RIMS1: variants seen among roughly 807,000 people sequenced by gnomAD.
The protein encoded by RIMS1 is regulating synaptic membrane exocytosis 1.
In RIMS1, 83 loss-of-function variants were observed where a neutral mutation model predicts 214.1. The observed-to-expected ratio is 0.39, with a 90% CI of 0.32 to 0.47. The LOEUF is 0.47. Among genes scored for constraint, RIMS1 ranks in the 20% least tolerant of loss-of-function variants. The probability of loss-of-function intolerance (pLI) is 0.99; values close to 1 mark genes in which losing one functional copy is unlikely to be tolerated. For missense variants in RIMS1, 2,050 were observed against 2,161.8 expected (o/e 0.95, Z 1.03); for synonymous variants, 793 against 786.8 (o/e 1.01, Z -0.13).
intron 4 of RIMS1, among the ~76,000 whole-genome samples, chr6:72,105,044 C>T (rs962198618): frequency 5.9e-5 from 9 of 152,142 alleles, no homozygotes; most frequent in Non-Finnish European, 8.8e-5. Context: ...CATCTTTCCA[C>T]CTCAGTCTCC....
intron 1 of RIMS1, among the ~76,000 whole-genome samples, chr6:71,890,523 C>G (rs746896409): frequency 3.4e-5 from 4 of 118,636 alleles, no homozygotes; most frequent in African/African-American, 7.2e-5. Context: ...TATCTGGGAC[C>G]TAAATCAGAG....
chr6:72,347,146 T>C (rs1001356994), intron 29 of RIMS1, among the ~76,000 whole-genome samples: 15 of 151,832 alleles, frequency 9.9e-5, no homozygotes, highest in Non-Finnish European at 1.8e-4. Context: ...CGAAGACTTA[T>C]GCCCCCATAG....
intron 4 of RIMS1, among the ~76,000 whole-genome samples, chr6:72,136,635 T>G (rs1021359630): frequency 6.6e-6 from 1 of 152,100 alleles, no homozygotes; most frequent in Admixed American, 6.5e-5. Context: ...ATTCTCTTTC[T>G]AAAATAATCA....
intron 4 of RIMS1, among the ~76,000 whole-genome samples, chr6:72,139,747 T>C (rs1562407256): frequency 6.6e-6 from 1 of 152,186 alleles, no homozygotes; most frequent in Non-Finnish European, 1.5e-5. Flanking sequence ...AAAGAATACA[T>C]TTCCCTAATG....
chr6:72,110,387 G>T (rs1347553328), intron 4 of RIMS1, among the ~76,000 whole-genome samples: 3 of 151,582 alleles, frequency 2.0e-5, no homozygotes, highest in Non-Finnish European at 4.4e-5. Context: ...TTGAGCAGTG[G>T]TTTGTAGTTC....
intron 2 of RIMS1, among the ~76,000 whole-genome samples, chr6:72,002,978 G>A (rs1336525922): frequency 6.6e-6 from 1 of 152,084 alleles, no homozygotes; most frequent in Non-Finnish European, 1.5e-5. Context: ...TGCACCAGTG[G>A]GGTCACAGGT....
chr6:71,986,435 G>C (rs1004694032), intron 2 of RIMS1, among the ~76,000 whole-genome samples: 2 of 152,154 alleles, frequency 1.3e-5, no homozygotes, highest in African/African-American at 4.8e-5. Context: ...AGAAGGCTAA[G>C]GCAATAGGCC....
At chr6:72,033,333 A>G (rs1264555494) in intron 2 of RIMS1, among the ~76,000 whole-genome samples, 3 of 152,196 alleles carry the variant, frequency 2.0e-5, no homozygotes, top group Non-Finnish European at 4.4e-5. Flanking sequence ...ATTCCACCAA[A>G]TAAGCTCCTG....
intron 7 of RIMS1, among the ~76,000 whole-genome samples, chr6:72,234,418 T>A (rs1406957749): frequency 1.3e-5 from 2 of 152,000 alleles, no homozygotes; most frequent in Non-Finnish European, 2.9e-5. Flanking sequence ...TCGAGCAGTT[T>A]TAAGTTTACA....
At chr6:72,161,178 G>A (rs1423921198) in intron 4 of RIMS1, among the ~76,000 whole-genome samples, 9 of 140,830 alleles carry the variant, frequency 6.4e-5, no homozygotes, top group African/African-American at 2.0e-4. Flanking sequence ...TTGCATAGAG[G>A]TGTGTATAGT....
chr6:71,923,319 G>T (rs766800858), intron 1 of RIMS1, among the ~76,000 whole-genome samples: 41 of 152,306 alleles, frequency 2.7e-4, no homozygotes, highest in Admixed American at 3.3e-4. Flanking sequence ...TTGTTTGATT[G>T]AAAGGCGTTA....
chr6:72,156,507 CTACCTT>C (rs1554254533), intron 4 of RIMS1, among the ~76,000 whole-genome samples: 3 of 140,234 alleles, frequency 2.1e-5, no homozygotes, highest in Non-Finnish European at 3.2e-5. Context: ...TAAAAGGGTA[CTACCTT>C]TGAGTTATGA....
intron 4 of RIMS1, among the ~76,000 whole-genome samples, chr6:72,160,002 T>C (rs563490729): frequency 7.4e-6 from 1 of 135,778 alleles, no homozygotes; most frequent in South Asian, 2.6e-4. Flanking sequence ...TTTCACGATA[T>C]TGATTCTTCC....
At chr6:71,943,101 G>A (rs1180375749) in intron 1 of RIMS1, among the ~76,000 whole-genome samples, 1 of 151,994 alleles carries the variant, frequency 6.6e-6, no homozygotes, top group Non-Finnish European at 1.5e-5. Context: ...AATAGTACTG[G>A]CATGTCTTTA....
At chr6:71,955,101 A>G (rs1002000527) in intron 1 of RIMS1, among the ~76,000 whole-genome samples, 6 of 152,074 alleles carry the variant, frequency 3.9e-5, no homozygotes, top group Admixed American at 6.6e-5. Context: ...TAGTTATTCT[A>G]TTGATGGACA....
chr6:72,198,452 T>C (rs1431530806), intron 6 of RIMS1, among the ~76,000 whole-genome samples: 3 of 151,956 alleles, frequency 2.0e-5, no homozygotes, highest in African/African-American at 7.2e-5. Context: ...ATAGAATTGA[T>C]TTCATGGAGG....
At chr6:72,075,301 T>A (rs1056009831) in intron 2 of RIMS1, among the ~76,000 whole-genome samples, 1 of 151,928 alleles carries the variant, frequency 6.6e-6, no homozygotes, top group African/African-American at 2.4e-5. Flanking sequence ...AGAGAGAGTG[T>A]CTTACTAGTT....
At chr6:72,164,119 G>T (rs557746980) in intron 4 of RIMS1, among the ~76,000 whole-genome samples, 4 of 152,308 alleles carry the variant, frequency 2.6e-5, no homozygotes, top group African/African-American at 9.6e-5. Context: ...TCTCGCTGCT[G>T]CCTTGCAGTT....
intron 29 of RIMS1, among the ~76,000 whole-genome samples, chr6:72,359,598 A>G (rs2097758142): frequency 6.6e-6 from 1 of 152,194 alleles, no homozygotes. Context: ...AGCAAAGCTC[A>G]TTAAATTAAC....
Sources: allele counts gnomAD v4.1 joint callset (sites outside exome capture counted in the v4.1 genomes callset), GRCh38; gene constraint gnomAD v4.1.1; transcripts MANE v1.5; gene names NCBI Gene and HGNC (gene_info 2026-07-23, HGNC 2026-07-21).